Variants in PABPC4L observed in about 807,000 individuals in gnomAD.
PABPC4L encodes the protein polyadenylate-binding protein 4-like.
For missense variants in PABPC4L, 452 were observed against 451.4 expected (o/e 1.00, Z -0.01); for synonymous variants, 169 against 164.1 (o/e 1.03, Z -0.23).
At chr4:134,119,837 T>C in the PABPC4L span, among the ~76,000 whole-genome samples, 1 of 151,730 alleles carries the variant, frequency 6.6e-6, no homozygotes, top group Admixed American at 6.6e-5. Flanking sequence ...GTGTCCTCTT[T>C]TATGTTTTGT....
chr4:134,013,162 G>A, the PABPC4L span, among the ~76,000 whole-genome samples: 1 of 151,958 alleles, frequency 6.6e-6, no homozygotes, highest in African/African-American at 2.4e-5. Flanking sequence ...TAGGGGAGGG[G>A]CAAGAACACC....
the PABPC4L span, among the ~76,000 whole-genome samples, chr4:134,109,413 G>T: frequency 6.6e-6 from 1 of 151,240 alleles, no homozygotes; most frequent in Admixed American, 6.6e-5. Context: ...GGCTAATTGT[G>T]GAAGAAAAAA....
chr4:134,139,336 G>A, the PABPC4L span, among the ~76,000 whole-genome samples: 13 of 151,834 alleles, frequency 8.6e-5, no homozygotes, highest in Admixed American at 6.6e-5. Context: ...GTACTGATTC[G>A]TGACATGAAG....
the PABPC4L span, among the ~76,000 whole-genome samples, chr4:133,987,479 A>C: frequency 6.6e-6 from 1 of 152,176 alleles, no homozygotes; most frequent in African/African-American, 2.4e-5. Context: ...CTACATGTCT[A>C]TTTCCAATTA....
the PABPC4L span, among the ~76,000 whole-genome samples, chr4:134,138,969 C>T: frequency 1.3e-5 from 2 of 151,792 alleles, no homozygotes. Flanking sequence ...ATAGGTTTCA[C>T]TAAGCACCTA....
chr4:134,174,141 C>A, the PABPC4L span, among the ~76,000 whole-genome samples: 1 of 151,738 alleles, frequency 6.6e-6, no homozygotes, highest in Non-Finnish European at 1.5e-5. Context: ...TAGGCCTACA[C>A]GTGGTCAGTA....
At chr4:134,062,445 A>C in the PABPC4L span, among the ~76,000 whole-genome samples, 1,140 of 152,136 alleles carry the variant, frequency 7.5e-3, 6 homozygotes, top group Non-Finnish European at 0.011. Context: ...GCCTTTACAA[A>C]AGAAAGGCAA....
chr4:134,013,321 G>A, the PABPC4L span, among the ~76,000 whole-genome samples: 11 of 151,052 alleles, frequency 7.3e-5, no homozygotes, highest in Non-Finnish European at 1.3e-4. Flanking sequence ...TCCACACCGC[G>A]ACCCCTTCTC....
At chr4:133,980,285 T>A in the PABPC4L span, among the ~76,000 whole-genome samples, 1 of 152,160 alleles carries the variant, frequency 6.6e-6, no homozygotes, top group African/African-American at 2.4e-5. Flanking sequence ...TTAACAAATA[T>A]TCATTTCGTT....
At chr4:134,004,447 T>A in the PABPC4L span, among the ~76,000 whole-genome samples, 1 of 151,922 alleles carries the variant, frequency 6.6e-6, no homozygotes, top group East Asian at 1.9e-4. Context: ...GGTGATATAA[T>A]TTCACATTCA....
the PABPC4L span, among the ~76,000 whole-genome samples, chr4:134,121,807 C>A: frequency 6.6e-6 from 1 of 151,644 alleles, no homozygotes; most frequent in Non-Finnish European, 1.5e-5. Context: ...GATGGTGATC[C>A]TTTACTATTA....
At chr4:134,001,132 G>A in the PABPC4L span, among the ~76,000 whole-genome samples, 5 of 148,244 alleles carry the variant, frequency 3.4e-5, no homozygotes, top group Admixed American at 1.4e-4. Context: ...TCAAACTCAA[G>A]CAATCTCTGT....
chr4:133,963,862 C>T, the PABPC4L span, among the ~76,000 whole-genome samples: 1 of 152,028 alleles, frequency 6.6e-6, no homozygotes, highest in East Asian at 1.9e-4. Context: ...TAAACACCTA[C>T]ATCAAAAGAC....
chr4:134,094,998 G>T, the PABPC4L span, among the ~76,000 whole-genome samples: 2 of 151,636 alleles, frequency 1.3e-5, no homozygotes, highest in African/African-American at 4.8e-5. Context: ...GTTTGCATTA[G>T]AATCATCATT....
At chr4:134,111,043 T>G in the PABPC4L span, among the ~76,000 whole-genome samples, 1 of 151,934 alleles carries the variant, frequency 6.6e-6, no homozygotes, top group Non-Finnish European at 1.5e-5. Context: ...GAACAAAAAT[T>G]TATTTCTCAT....
chr4:134,117,688 T>C, the PABPC4L span, among the ~76,000 whole-genome samples: 2 of 151,672 alleles, frequency 1.3e-5, no homozygotes, highest in East Asian at 1.9e-4. Flanking sequence ...GCATGAATGG[T>C]TTCTCTCAGT....
chr4:134,061,145 G>A, the PABPC4L span, among the ~76,000 whole-genome samples: 1 of 151,918 alleles, frequency 6.6e-6, no homozygotes, highest in African/African-American at 2.4e-5. Flanking sequence ...ACCCTGATGT[G>A]ATTATTATGC....
At chr4:133,964,207 C>G in the PABPC4L span, among the ~76,000 whole-genome samples, 1 of 151,926 alleles carries the variant, frequency 6.6e-6, no homozygotes, top group Non-Finnish European at 1.5e-5. Flanking sequence ...TGCACATAAA[C>G]TTGAAACGTA....
chr4:133,986,584 A>T, the PABPC4L span, among the ~76,000 whole-genome samples: 1 of 152,166 alleles, frequency 6.6e-6, no homozygotes, highest in East Asian at 1.9e-4. Context: ...ACTGAAATTG[A>T]TTTGCAAAAC....
Sources: gnomAD v4.1 joint callset for allele counts (sites outside exome capture counted in the v4.1 genomes callset) on GRCh38, gnomAD v4.1.1 for gene constraint, MANE v1.5 for transcripts, NCBI Gene and HGNC (gene_info 2026-07-23, HGNC 2026-07-21) for gene names.